TMEM117: variants seen among roughly 807,000 people sequenced by gnomAD.
TMEM117 encodes the protein transmembrane protein 117.
Under a neutral mutation model 52.4 loss-of-function variants are expected in TMEM117, and 27 were observed. The ratio of observed to expected loss-of-function variants is 0.51; its 90% CI spans 0.38 to 0.71. The LOEUF (loss-of-function observed/expected upper bound fraction) is 0.71, where lower values mean the gene tolerates loss of function less well. Ranked by LOEUF, TMEM117 falls within the 30% of genes least tolerant of loss-of-function variation. The pLI, the probability that TMEM117 is intolerant of heterozygous loss-of-function variation, is 0.00. For synonymous variants in TMEM117, 215 were observed against 206.3 expected (o/e 1.04, Z -0.36); for missense variants, 556 against 630.5 (o/e 0.88, Z 1.26).
At chr12:43,883,018 G>T (rs116916641) in intron 2 of TMEM117, among the ~76,000 whole-genome samples, 294 of 152,238 alleles carry the variant, frequency 1.9e-3, no homozygotes, top group Non-Finnish European at 2.1e-3. Flanking sequence ...TTTTAAAATT[G>T]CAAAGTTCTT....
intron 6 of TMEM117, among the ~76,000 whole-genome samples, chr12:44,306,883 G>A (rs73276236): frequency 0.021 from 3,233 of 152,242 alleles, 110 homozygotes; most frequent in African/African-American, 0.068. Flanking sequence ...ATAAATTGTC[G>A]TTAGGTGTTA....
intron 3 of TMEM117, among the ~76,000 whole-genome samples, chr12:43,984,020 A>G (rs958450860): frequency 6.6e-6 from 1 of 152,158 alleles, no homozygotes; most frequent in Admixed American, 6.6e-5. Context: ...CTGTTACCCC[A>G]TATAGACTCC....
At chr12:44,216,774 G>A (rs1017063029) in intron 5 of TMEM117, among the ~76,000 whole-genome samples, 1 of 152,120 alleles carries the variant, frequency 6.6e-6, no homozygotes, top group Non-Finnish European at 1.5e-5. Flanking sequence ...GTGTATCTGT[G>A]TACAGCAGTT....
chr12:44,102,213 C>T (rs1175989983), intron 3 of TMEM117, among the ~76,000 whole-genome samples: 6 of 152,030 alleles, frequency 3.9e-5, no homozygotes, highest in Middle Eastern at 3.4e-3. Context: ...GAGAAGAAAG[C>T]ACAGCAAAGC....
At chr12:44,077,763 G>A (rs1947405170) in intron 3 of TMEM117, among the ~76,000 whole-genome samples, 1 of 151,818 alleles carries the variant, frequency 6.6e-6, no homozygotes, top group African/African-American at 2.4e-5. Flanking sequence ...AAATGTTACT[G>A]CTTCATTCTT....
intron 5 of TMEM117, among the ~76,000 whole-genome samples, chr12:44,276,908 A>ATGTG (rs754059220): frequency 0.072 from 10,305 of 143,658 alleles, 466 homozygotes; most frequent in Middle Eastern, 0.16. Flanking sequence ...GTGTGTGTGT[A>ATGTG]TGTGTGTGTG....
chr12:43,837,345 A>C (rs1298879666), intron 1 of TMEM117, among the ~76,000 whole-genome samples: 1 of 151,370 alleles, frequency 6.6e-6, no homozygotes, highest in African/African-American at 2.4e-5. Context: ...TCTTTTCTTT[A>C]ATTTCTGTCT....
At chr12:44,056,722 G>A (rs183160516) in intron 3 of TMEM117, among the ~76,000 whole-genome samples, 3 of 152,250 alleles carry the variant, frequency 2.0e-5, no homozygotes, top group Non-Finnish European at 4.4e-5. Context: ...TGAACCTTCT[G>A]TGCTAGGCAC....
chr12:44,177,666 A>C (rs1203493873), intron 4 of TMEM117, among the ~76,000 whole-genome samples: 1 of 152,184 alleles, frequency 6.6e-6, no homozygotes, highest in African/African-American at 2.4e-5. Context: ...CAACTTATAA[A>C]GTGGTTACTG....
chr12:43,923,574 A>G (rs2137561881), intron 2 of TMEM117, among the ~76,000 whole-genome samples: 1 of 152,310 alleles, frequency 6.6e-6, no homozygotes, highest in South Asian at 2.1e-4. Context: ...CTAATGGATA[A>G]CTATTTCTAA....
chr12:44,224,520 C>T lies in TMEM117; in HGVS notation c.608+13133C>T, dbSNP rs1336604994. On this transcript the variant is annotated intron_variant, in intron 5 of 7. Transcript: ENST00000266534. ...CTTTCTTTGTCTTCTTCTTCTCCTTCTCCTCCTTCTCCTCCTTCTCTTCCT... is the reference window on the plus strand; with the variant it reads ...CTTTCTTTGTCTTCTTCTTCTCCTTTTCCTCCTTCTCCTCCTTCTCTTCCT... Among the ~76,000 whole-genome samples the T allele has an allele frequency of 2.0e-5, 3 of 151,382 alleles. No individual in the cohort carries two copies. In the East Asian group the frequency reaches 5.8e-4, roughly 29 times the overall value.
the TMEM117 span, chr12:43,799,485 A>G: frequency 1.9e-6 from 3 of 1,600,690 alleles, no homozygotes; most frequent in South Asian, 3.3e-5. Context: ...TTTTATATCC[A>G]TGTAATGATA....
intron 6 of TMEM117, among the ~76,000 whole-genome samples, chr12:44,326,211 T>C: frequency 6.6e-6 from 1 of 151,944 alleles, no homozygotes; most frequent in South Asian, 2.1e-4. Flanking sequence ...GTTTTTTATT[T>C]AAAAAAAAGA....
chr12:43,855,997 T>G (rs2137384981), intron 2 of TMEM117, among the ~76,000 whole-genome samples: 1 of 152,344 alleles, frequency 6.6e-6, no homozygotes, highest in East Asian at 1.9e-4. Context: ...TGGTTTGACT[T>G]CCTTTGTGTT....
chr12:43,850,122 A>G (rs1943280781), intron 2 of TMEM117, among the ~76,000 whole-genome samples: 1 of 152,116 alleles, frequency 6.6e-6, no homozygotes, highest in Non-Finnish European at 1.5e-5. Context: ...ACAACATTTA[A>G]TAGGGCCTTA....
At chr12:43,876,167 G>A (rs906438776) in intron 2 of TMEM117, among the ~76,000 whole-genome samples, 9 of 151,976 alleles carry the variant, frequency 5.9e-5, no homozygotes, top group Non-Finnish European at 1.0e-4. Flanking sequence ...TTTCCTTTCC[G>A]GTTATTGTTC....
intron 4 of TMEM117, among the ~76,000 whole-genome samples, chr12:44,189,711 A>G (rs960890406): frequency 1.2e-4 from 19 of 152,360 alleles, no homozygotes; most frequent in African/African-American, 4.6e-4. Flanking sequence ...CAAGCAATAT[A>G]TTGCCATTCC....
rs185803870 is a variant in TMEM117, at chr12:44,127,900, G to A, written c.411-15625G>A. Among the ~76,000 whole-genome samples, 271 of 151,886 alleles carry A rather than the reference G, an allele frequency of 1.8e-3. 1 individual carries two copies. Among genetic ancestry groups the A allele is most frequent in the African/African-American group, 5.9e-3 (241 of 41,166 alleles). The stretch of plus-strand genomic sequence containing the variant: ...GAAATAAATCTCTATTTATGTGTAT[G>A]CCAATGTCTGTCTGTCTGTCTATCT... On this transcript the variant is annotated intron_variant, in intron 3 of 7. Transcript: ENST00000266534.
At chr12:44,088,997 G>A (rs775733586) in intron 3 of TMEM117, among the ~76,000 whole-genome samples, 3 of 152,158 alleles carry the variant, frequency 2.0e-5, no homozygotes, top group Non-Finnish European at 4.4e-5. Flanking sequence ...AAATCAAAAT[G>A]ACAGCACCTG....
Sources: gnomAD v4.1 joint callset for allele counts (sites outside exome capture counted in the v4.1 genomes callset) on GRCh38, gnomAD v4.1.1 for gene constraint, MANE v1.5 for transcripts, NCBI Gene and HGNC (gene_info 2026-07-23, HGNC 2026-07-21) for gene names.